The following LPAR3 variants were observed in gnomAD, a reference collection of about 807,000 sequenced individuals.
LPAR3 encodes LPA receptor 3.
In LPAR3, 7 loss-of-function variants were observed where a neutral mutation model predicts 17.8. The observed-to-expected ratio is 0.39, with a 90% CI of 0.22 to 0.74. The LOEUF is 0.74. Ranked by LOEUF, LPAR3 falls within the 30% of genes least tolerant of loss-of-function variation. The pLI is 0.40. For synonymous variants in LPAR3, 179 were observed against 179.9 expected, an observed-to-expected ratio of 0.99 and a Z score of 0.04; for missense variants, 391 against 453.4, an observed-to-expected ratio of 0.86 and a Z score of 1.25.
In LPAR3 at chr1:84,818,055, T is replaced by G. The variant is rs539894111; in HGVS notation, c.737-3884A>C. On this transcript the variant is annotated intron_variant, in intron 2 of 2. Coordinates refer to ENST00000370611, the MANE Select transcript of LPAR3 (RefSeq NM_012152.3). Reference sequence around the variant, plus strand: ...TCCTGGCTCTTCCACTGATCGGCTGTGTGCCTTTGACCACATCACCTAACT... The same window carrying G: ...TCCTGGCTCTTCCACTGATCGGCTGGGTGCCTTTGACCACATCACCTAACT... 7.2e-5 allele frequency among the ~76,000 whole-genome samples: 11 copies of G among 152,304 alleles called. No homozygotes were observed. The East Asian group carries it at 2.1e-3, about 29-fold the overall frequency.
At chr1:84,877,362 A>C (rs1023385701) in intron 1 of LPAR3, among the ~76,000 whole-genome samples, 4 of 152,168 alleles carry the variant, frequency 2.6e-5, no homozygotes, top group African/African-American at 9.7e-5. Context: ...GCTCTCAGAA[A>C]AGCTCTCTTG....
intron 1 of LPAR3, among the ~76,000 whole-genome samples, chr1:84,883,259 C>T (rs144340721): frequency 6.6e-6 from 1 of 152,332 alleles, no homozygotes; most frequent in East Asian, 1.9e-4. Context: ...GGGACCCCAA[C>T]AGAGAATATT....
intron 1 of LPAR3, among the ~76,000 whole-genome samples, chr1:84,881,095 A>T (rs184357019): frequency 6.6e-6 from 1 of 152,338 alleles, no homozygotes; most frequent in East Asian, 1.9e-4. Context: ...CAAAGAACAG[A>T]AAGGACATTT....
Position 84,813,870 on chromosome 1 carries a change from T to C in LPAR3, c.1038A>G (p.Ala346=), listed in dbSNP as rs781490453. 24 of 1,613,674 alleles carry C rather than the reference T, an allele frequency of 1.5e-5. No individual in the cohort carries two copies. The Middle Eastern group carries it at 1.2e-3, about 77-fold the overall frequency. ...QYIEDSISQG[A]VCNKSTS is the part of the protein sequence containing the mutation. ...TTTAGGAAGTGCTTTTATTGCAGAC[T>C]GCACCTTGGCTAATACTATCCTCTA... The change falls in exon 3 of 3, where the codon GCA becomes GCG. Residue 346 remains alanine, a synonymous_variant. Coordinates refer to ENST00000370611, the MANE Select transcript of LPAR3 (RefSeq NM_012152.3).
chr1:84,825,422 A>T (rs1659137092), intron 2 of LPAR3, among the ~76,000 whole-genome samples: 1 of 152,200 alleles, frequency 6.6e-6, no homozygotes, highest in Non-Finnish European at 1.5e-5. Context: ...TCCAGGCAAG[A>T]TATACCCAAG....
chr1:84,868,330 G>A (rs772072124), intron 1 of LPAR3, among the ~76,000 whole-genome samples: 22 of 152,166 alleles, frequency 1.4e-4, no homozygotes, highest in Non-Finnish European at 2.4e-4. Context: ...GGATGGTCTC[G>A]AACTCCTGAT....
At chr1:84,859,576 A>T (rs1659896031) in intron 2 of LPAR3, among the ~76,000 whole-genome samples, 1 of 152,194 alleles carries the variant, frequency 6.6e-6, no homozygotes, top group African/African-American at 2.4e-5. Flanking sequence ...GCACACACAC[A>T]GGCACGCAAA....
chr1:84,865,640 C>G lies in LPAR3; in HGVS notation c.481G>C (p.Ala161Pro), dbSNP rs1301233339. 1 of 1,614,160 alleles carries G rather than the reference C, an allele frequency of 6.2e-7. No homozygotes were observed. ...CAATTCCAGCCCAGTGTGGGGACCG[C>G]CCCCATAAAAATGGCGATGGCCCAG... ...LVWAIAIFMG[A>P]VPTLGWNCLC... is the part of the protein sequence containing the mutation. Residue 161 changes from alanine to proline, a missense_variant, in exon 2 of 3, where the codon GCG becomes CCG. Coordinates refer to ENST00000370611, the MANE Select transcript of LPAR3 (RefSeq NM_012152.3).
intron 2 of LPAR3, among the ~76,000 whole-genome samples, chr1:84,831,339 C>G (rs1257774213): frequency 1.3e-5 from 2 of 152,144 alleles, no homozygotes; most frequent in Non-Finnish European, 2.9e-5. Context: ...CACCGTAGTC[C>G]TAGCTACTTA....
chr1:84,864,511 C>A (rs1476426229), intron 2 of LPAR3, among the ~76,000 whole-genome samples: 1 of 152,142 alleles, frequency 6.6e-6, no homozygotes, highest in Non-Finnish European at 1.5e-5. Context: ...CAGAGAGATA[C>A]CATTAAAATA....
intron 2 of LPAR3, among the ~76,000 whole-genome samples, chr1:84,838,855 C>T (rs1168167415): frequency 6.6e-6 from 1 of 152,156 alleles, no homozygotes; most frequent in Non-Finnish European, 1.5e-5. Flanking sequence ...CTCTTTTAAC[C>T]CCTTGTTCCT....
At chr1:84,868,158 G>A (rs778723298) in intron 1 of LPAR3, among the ~76,000 whole-genome samples, 16 of 152,148 alleles carry the variant, frequency 1.1e-4, no homozygotes, top group Non-Finnish European at 2.4e-4. Flanking sequence ...CGCCCAGGCT[G>A]GAGTGCAGTG....
intron 2 of LPAR3, among the ~76,000 whole-genome samples, chr1:84,840,928 G>A (rs1360650845): frequency 1.3e-5 from 2 of 152,180 alleles, no homozygotes; most frequent in Non-Finnish European, 2.9e-5. Flanking sequence ...AACAGTGGCC[G>A]GTTTTTACCA....
intron 2 of LPAR3, among the ~76,000 whole-genome samples, chr1:84,857,140 C>T (rs1280124784): frequency 6.6e-6 from 1 of 152,138 alleles, no homozygotes; most frequent in Non-Finnish European, 1.5e-5. Flanking sequence ...ATCATGATGG[C>T]ACCAACAGTA....
chr1:84,852,992 G>A (rs886901951), intron 2 of LPAR3, among the ~76,000 whole-genome samples: 6 of 151,930 alleles, frequency 3.9e-5, no homozygotes, highest in South Asian at 4.2e-4. Context: ...ACACTGGCTC[G>A]TGCCTATAAT....
At chr1:84,849,956 G>A (rs1659671684) in intron 2 of LPAR3, among the ~76,000 whole-genome samples, 1 of 152,112 alleles carries the variant, frequency 6.6e-6, no homozygotes, top group South Asian at 2.1e-4. Context: ...CGGATGGGCG[G>A]CCCTGTGTGA....
At chr1:84,870,560 T>C (rs946524786) in intron 1 of LPAR3, among the ~76,000 whole-genome samples, 2 of 152,230 alleles carry the variant, frequency 1.3e-5, no homozygotes, top group African/African-American at 2.4e-5. Flanking sequence ...TTCAGGTACA[T>C]TACTTAATAT....
At chr1:84,828,926 C>A (rs982863898) in intron 2 of LPAR3, among the ~76,000 whole-genome samples, 4 of 152,206 alleles carry the variant, frequency 2.6e-5, no homozygotes, top group Non-Finnish European at 5.9e-5. Flanking sequence ...ATTAAGCCCC[C>A]ACCAGGAGCC....
intron 1 of LPAR3, among the ~76,000 whole-genome samples, chr1:84,881,532 G>T: frequency 6.6e-6 from 1 of 152,160 alleles, no homozygotes; most frequent in East Asian, 1.9e-4. Context: ...ACATACAACT[G>T]GCATTCTGGG....
Sources: allele counts gnomAD v4.1 joint callset (sites outside exome capture counted in the v4.1 genomes callset), GRCh38; gene constraint gnomAD v4.1.1; transcripts MANE v1.5; gene names NCBI Gene and HGNC (gene_info 2026-07-23, HGNC 2026-07-21).